Variants in RALGAPA1 observed in about 807,000 individuals in gnomAD.
The protein encoded by RALGAPA1 is Ral GTPase activating protein catalytic subunit alpha 1.
In RALGAPA1, 52 loss-of-function variants were observed where a neutral mutation model predicts 269.6. The ratio of observed to expected loss-of-function variants is 0.19; its 90% CI spans 0.15 to 0.24. The LOEUF (loss-of-function observed/expected upper bound fraction) is 0.24. RALGAPA1 is among the 10% of genes least tolerant of loss of function. RALGAPA1 has a pLI of 1.00. For missense variants in RALGAPA1, 1,917 were observed against 3,013.9 expected (o/e 0.64, Z 8.52); for synonymous variants, 817 against 1,008.3 (o/e 0.81, Z 3.60).
chr14:35,690,076 C>G (rs1239189974), intron 17 of RALGAPA1, 73 bp from the exon 18 acceptor site: 1 of 1,109,094 alleles, frequency 9.0e-7, no homozygotes, highest in South Asian at 1.6e-5. Context: ...TTCAATAATG[C>G]TCTAAAGCAT....
At chr14:35,642,370 A>G (rs2062087786) in intron 31 of RALGAPA1, among the ~76,000 whole-genome samples, 1 of 152,220 alleles carries the variant, frequency 6.6e-6, no homozygotes, top group African/African-American at 2.4e-5. Context: ...ACCAGAATAT[A>G]CAAGGAACTC....
chr14:35,657,870 T>C (rs2063303219), intron 28 of RALGAPA1, among the ~76,000 whole-genome samples: 1 of 152,114 alleles, frequency 6.6e-6, no homozygotes, highest in African/African-American at 2.4e-5. Flanking sequence ...TAGTTTTCTT[T>C]TCTATTAAAA....
At chr14:35,725,435 G>A (rs1035121953) in intron 13 of RALGAPA1, among the ~76,000 whole-genome samples, 1 of 152,080 alleles carries the variant, frequency 6.6e-6, no homozygotes, top group Admixed American at 6.6e-5. Context: ...GAATGCTCCC[G>A]TCTCCGCAAC....
intron 36 of RALGAPA1, among the ~76,000 whole-genome samples, chr14:35,601,328 A>G (rs989262106): frequency 2.6e-5 from 4 of 152,138 alleles, no homozygotes; most frequent in African/African-American, 9.7e-5. Flanking sequence ...GGTAGACATG[A>G]AAGTCTTGGA....
intron 39 of RALGAPA1, among the ~76,000 whole-genome samples, chr14:35,566,281 T>C (rs1302128912): frequency 6.6e-6 from 1 of 152,180 alleles, no homozygotes; most frequent in East Asian, 1.9e-4. Flanking sequence ...TTCTGGCTGC[T>C]GGTATGATCG....
intron 1 of RALGAPA1, among the ~76,000 whole-genome samples, chr14:35,783,232 G>A (rs1386877510): frequency 6.6e-6 from 1 of 152,056 alleles, no homozygotes; most frequent in Non-Finnish European, 1.5e-5. Flanking sequence ...ACAATTGAGA[G>A]TTCAGAAATA....
chr14:35,575,752 G>A (rs770052162), intron 37 of RALGAPA1, among the ~76,000 whole-genome samples: 2 of 151,948 alleles, frequency 1.3e-5, no homozygotes, highest in South Asian at 2.1e-4. Context: ...CCACCCCCAC[G>A]CCCAGCTAAT....
intron 16 of RALGAPA1, among the ~76,000 whole-genome samples, chr14:35,719,978 T>A (rs886239769): frequency 2.0e-5 from 3 of 152,192 alleles, no homozygotes; most frequent in Admixed American, 1.3e-4. Flanking sequence ...GGTCTCGAAC[T>A]CCTGACCTTG....
chr14:35,631,349 T>A (rs1307904918), intron 33 of RALGAPA1, among the ~76,000 whole-genome samples: 1 of 152,164 alleles, frequency 6.6e-6, no homozygotes, highest in African/African-American at 2.4e-5. Context: ...ATTCAAAATT[T>A]ATTTTTCTCT....
chr14:35,783,578 C>A (rs756918769), intron 1 of RALGAPA1, among the ~76,000 whole-genome samples: 17 of 152,056 alleles, frequency 1.1e-4, no homozygotes, highest in Non-Finnish European at 1.9e-4. Flanking sequence ...TTGACTTCAT[C>A]AAAATTCAAA....
At chr14:35,633,273 A>C (rs1332995140) in intron 33 of RALGAPA1, among the ~76,000 whole-genome samples, 4 of 152,196 alleles carry the variant, frequency 2.6e-5, no homozygotes, top group Non-Finnish European at 5.9e-5. Context: ...CCATATTTTT[A>C]AGTAAAATAA....
chr14:35,558,405 T>C (rs1342774652), intron 39 of RALGAPA1, among the ~76,000 whole-genome samples: 2 of 152,326 alleles, frequency 1.3e-5, no homozygotes, highest in African/African-American at 2.4e-5. Flanking sequence ...ATGTGAATTG[T>C]GACGATTTTA....
intron 37 of RALGAPA1, among the ~76,000 whole-genome samples, chr14:35,590,207 T>G (rs1415987639): frequency 6.6e-6 from 1 of 152,180 alleles, no homozygotes; most frequent in African/African-American, 2.4e-5. Flanking sequence ...GTAACAAACT[T>G]TTCACTGAAT....
At chr14:35,683,615 C>T (rs1017971749) in intron 21 of RALGAPA1, 194 bp downstream of exon 21, 29 of 487,080 alleles carry the variant, frequency 6.0e-5, no homozygotes, top group Non-Finnish European at 1.1e-5. Context: ...TCACAGAGTC[C>T]TCTGAAGCTT....
At chr14:35,640,446 C>T (rs773973893) in intron 31 of RALGAPA1, among the ~76,000 whole-genome samples, 7 of 151,984 alleles carry the variant, frequency 4.6e-5, no homozygotes, top group African/African-American at 7.2e-5. Context: ...ATCAACAGAG[C>T]GGCTACTATG....
chr14:35,708,237 G>A lies in RALGAPA1; in HGVS notation c.2267-7935C>T, dbSNP rs190138143. ...TAAATAATATCCCCAGGCAACCAAA[G>A]CAAAAATGGACAAATGAGATGACAT... is the stretch of plus-strand genomic sequence containing the variant. On this transcript the variant is annotated intron_variant, in intron 16 of 41. Coordinates refer to ENST00000680220, the MANE Select transcript of RALGAPA1 (RefSeq NM_001346249.2). Among the ~76,000 whole-genome samples, 8 of 152,170 alleles carry A rather than the reference G, an allele frequency of 5.3e-5. No homozygotes were observed. The East Asian group carries it at 9.7e-4, about 18-fold the overall frequency.
chr14:35,769,073 C>CAT (rs1178690550), intron 4 of RALGAPA1, among the ~76,000 whole-genome samples: 7 of 78,422 alleles, frequency 8.9e-5, no homozygotes, highest in African/African-American at 3.3e-4. Context: ...TATACACACA[C>CAT]ATAAAATATC....
chr14:35,614,915 T>C (rs1392071601), intron 35 of RALGAPA1, among the ~76,000 whole-genome samples: 1 of 152,062 alleles, frequency 6.6e-6, no homozygotes, highest in African/African-American at 2.4e-5. Context: ...GTGAGAGAAG[T>C]ATATGTGCCA....
At chr14:35,750,256 C>G (rs1738442410) in intron 9 of RALGAPA1, among the ~76,000 whole-genome samples, 1 of 152,112 alleles carries the variant, frequency 6.6e-6, no homozygotes, top group Non-Finnish European at 1.5e-5. Flanking sequence ...AAATAAGAAG[C>G]TGAGACTGAC....
Sources: gnomAD v4.1 joint callset for allele counts (sites outside exome capture counted in the v4.1 genomes callset) on GRCh38, gnomAD v4.1.1 for gene constraint, MANE v1.5 for transcripts, NCBI Gene and HGNC (gene_info 2026-07-23, HGNC 2026-07-21) for gene names.